Variants in TMX2 observed in about 807,000 individuals in gnomAD.
TMX2 encodes the protein thioredoxin-related transmembrane protein 2.
TMX2 carries 20 observed loss-of-function variants against 33.4 expected under a neutral mutation model. The observed-to-expected ratio is 0.60, with a 90% CI of 0.42 to 0.87. The LOEUF (loss-of-function observed/expected upper bound fraction) is 0.87. Among genes scored for constraint, TMX2 ranks in the 40% least tolerant of loss-of-function variants. The pLI is 0.00. For synonymous variants in TMX2, 166 were observed against 140.7 expected (o/e 1.18, Z -1.27); for missense variants, 340 against 370.7 (o/e 0.92, Z 0.68).
chr11:57,717,326 C>T (rs891053011), intron 1 of TMX2, among the ~76,000 whole-genome samples: 15 of 152,236 alleles, frequency 9.9e-5, no homozygotes, highest in Non-Finnish European at 1.5e-4. Flanking sequence ...GCTGCAATCT[C>T]GGCACTTTGG....
At chr11:57,719,371 CTT>C (rs1340489157) in intron 1 of TMX2, among the ~76,000 whole-genome samples, 6 of 151,450 alleles carry the variant, frequency 4.0e-5, no homozygotes, top group East Asian at 1.9e-4. Flanking sequence ...TGCTTTTTCT[CTT>C]TTGGATCTCA....
intron 1 of TMX2, 93 bp downstream of exon 1, chr11:57,712,900 A>C (rs1399126685): frequency 1.7e-5 from 23 of 1,386,014 alleles, no homozygotes; most frequent in South Asian, 5.1e-5. Context: ...CTCTGAGGAC[A>C]CCTGAGGTTC....
chr11:57,729,493 CTT>C (rs773680740), intron 1 of TMX2, among the ~76,000 whole-genome samples: 21 of 150,976 alleles, frequency 1.4e-4, no homozygotes, highest in Admixed American at 6.6e-4. Context: ...TTATAATAGA[CTT>C]ATATAATTTT....
At chr11:57,719,431 A>T (rs1248353157) in intron 1 of TMX2, among the ~76,000 whole-genome samples, 1 of 151,312 alleles carries the variant, frequency 6.6e-6, no homozygotes, top group Non-Finnish European at 1.5e-5. Context: ...TTAAAAAAAA[A>T]TTATGTTTAG....
At chr11:57,723,502 CAAAA>C (rs1050853186) in intron 1 of TMX2, among the ~76,000 whole-genome samples, 12 of 98,516 alleles carry the variant, frequency 1.2e-4, no homozygotes, top group African/African-American at 3.5e-4. Context: ...AAATTCATCG[CAAAA>C]AAAAAAAAAG....
chr11:57,727,309 C>CCTAGT (rs1353779671), intron 1 of TMX2, among the ~76,000 whole-genome samples: 2 of 152,070 alleles, frequency 1.3e-5, no homozygotes, highest in Non-Finnish European at 2.9e-5. Flanking sequence ...AACAAGCCTT[C>CCTAGT]CTAGTCCTGT....
At position 57,740,740 on chromosome 11, in the gene TMX2, T is replaced by G. The variant is rs1949036165; in HGVS notation, c.*495T>G. On this transcript the variant is annotated 3_prime_UTR_variant, in exon 8 of 8. Coordinates refer to ENST00000278422, the MANE Select transcript of TMX2 (RefSeq NM_015959.4). ...TCTTCATTAAAAGTATAAGCCTAAC[T>G]TTGTCGCTAGTCCTAAGGAGAAACC... The G allele has an allele frequency of 1.3e-5, 2 of 154,092 alleles. No homozygotes were observed. The highest frequency in any genetic ancestry group is 6.4e-5 in the Admixed American group (1 of 15,604). The allele number at this position is 154,092 out of a possible 1,614,324, so 9.5% of individuals were successfully genotyped here. A position where few individuals can be genotyped will look rare whatever the true frequency, so the allele number is the denominator to read the frequency against.
At chr11:57,721,730 C>T (rs529691538) in intron 1 of TMX2, among the ~76,000 whole-genome samples, 2 of 152,286 alleles carry the variant, frequency 1.3e-5, no homozygotes, top group East Asian at 3.9e-4. Flanking sequence ...ATATAACCCT[C>T]ACATTCCCCC....
chr11:57,724,056 C>T (rs538296024), intron 1 of TMX2, among the ~76,000 whole-genome samples: 86 of 151,972 alleles, frequency 5.7e-4, no homozygotes, highest in African/African-American at 2.0e-3. Context: ...TGGTATCATT[C>T]AGCTTCTTTT....
intron 1 of TMX2, among the ~76,000 whole-genome samples, chr11:57,735,022 C>T (rs865872264): frequency 4.0e-5 from 6 of 151,136 alleles, no homozygotes; most frequent in African/African-American, 7.3e-5. Context: ...CCCAGCTACT[C>T]GGGAGGCTGA....
intron 1 of TMX2, among the ~76,000 whole-genome samples, chr11:57,733,809 A>G (rs1057002863): frequency 4.6e-5 from 7 of 152,180 alleles, no homozygotes; most frequent in Non-Finnish European, 1.0e-4. Flanking sequence ...CTAGAACCCA[A>G]GGCTCATTCT....
intron 6 of TMX2, 42 bp downstream of exon 6, chr11:57,739,081 CT>C (rs1948926122): frequency 1.2e-6 from 2 of 1,614,170 alleles, no homozygotes; most frequent in South Asian, 2.2e-5. Context: ...AGGGAAATCA[CT>C]TTGAGTGATA....
intron 1 of TMX2, among the ~76,000 whole-genome samples, chr11:57,733,744 A>G (rs1468403351): frequency 1.3e-5 from 2 of 152,224 alleles, no homozygotes; most frequent in South Asian, 2.1e-4. Context: ...TCCATAATAA[A>G]AAGTTTTAAA....
chr11:57,716,604 C>T (rs1025225209), intron 1 of TMX2, among the ~76,000 whole-genome samples: 3 of 128,746 alleles, frequency 2.3e-5, no homozygotes, highest in South Asian at 2.6e-4. Context: ...GGCGGCTGGC[C>T]GGGTGGGGGG....
At chr11:57,734,566 G>A (rs561569738) in intron 1 of TMX2, among the ~76,000 whole-genome samples, 1 of 151,914 alleles carries the variant, frequency 6.6e-6, no homozygotes, top group Admixed American at 6.6e-5. Context: ...TGGCCAACAT[G>A]GTGAAACCCC....
At chr11:57,726,167 C>G (rs577402037) in intron 1 of TMX2, among the ~76,000 whole-genome samples, 7 of 152,168 alleles carry the variant, frequency 4.6e-5, no homozygotes, top group African/African-American at 1.7e-4. Flanking sequence ...AATCCTAGCA[C>G]TTTGGTAGGC....
intron 1 of TMX2, among the ~76,000 whole-genome samples, chr11:57,731,081 G>GATTGAT (rs1948355995): frequency 6.8e-6 from 1 of 146,118 alleles, no homozygotes; most frequent in South Asian, 2.2e-4. Flanking sequence ...ACATTCTTCA[G>GATTGAT]ATTGATATCT....
At chr11:57,738,640 AC>A (rs1421506963) in intron 4 of TMX2, 23 bp from the exon 5 acceptor site, 2 of 1,600,948 alleles carry the variant, frequency 1.2e-6, no homozygotes, top group African/African-American at 2.7e-5. Context: ...GATCCAGCTG[AC>A]TTTTCTTCCC....
intron 1 of TMX2, chr11:57,718,303 T>C: frequency 6.6e-7 from 1 of 1,517,956 alleles, no homozygotes; most frequent in Non-Finnish European, 9.1e-7. Flanking sequence ...TCCCCATAGA[T>C]GGACTTGCCA....
Sources: gnomAD v4.1 joint callset for allele counts (sites outside exome capture counted in the v4.1 genomes callset) on GRCh38, gnomAD v4.1.1 for gene constraint, MANE v1.5 for transcripts, NCBI Gene and HGNC (gene_info 2026-07-23, HGNC 2026-07-21) for gene names.